The following SVEP1 variants were observed in gnomAD, a reference collection of about 807,000 sequenced individuals.
SVEP1 encodes sushi, von Willebrand factor type A, EGF and pentraxin domain containing 1, also known as sushi, von Willebrand factor type A, EGF and pentraxin domain-containing protein 1.
A neutral mutation model predicts 367.3 loss-of-function variants in SVEP1; 164 were observed. That is an observed-to-expected ratio of 0.45 (90% CI 0.39 to 0.51). SVEP1 has a LOEUF of 0.51. Ranked by LOEUF, SVEP1 falls within the 20% of genes least tolerant of loss-of-function variation. SVEP1 has a pLI of 0.00. For synonymous variants in SVEP1, 1,666 were observed against 1,611.6 expected (o/e 1.03, Z -0.81); for missense variants, 4,117 against 4,425.3 (o/e 0.93, Z 1.98).
intron 1 of SVEP1, among the ~76,000 whole-genome samples, chr9:110,567,141 C>A (rs1421749803): frequency 6.6e-6 from 1 of 152,106 alleles, no homozygotes; most frequent in African/African-American, 2.4e-5. Context: ...AAAGATATAT[C>A]CTTTCAAGAA....
intron 40 of SVEP1, among the ~76,000 whole-genome samples, chr9:110,395,445 T>G (rs1313586788): frequency 1.3e-5 from 2 of 152,072 alleles, no homozygotes; most frequent in Non-Finnish European, 1.5e-5. Context: ...CTGCATCAAC[T>G]AACAAGCAAA....
intron 43 of SVEP1, among the ~76,000 whole-genome samples, chr9:110,385,602 T>G (rs997209586): frequency 2.0e-5 from 3 of 152,258 alleles, no homozygotes; most frequent in African/African-American, 7.2e-5. Flanking sequence ...GTTTGGGGAC[T>G]CTGACAGTGT....
At chr9:110,454,381 A>G (rs777835553) in intron 22 of SVEP1, among the ~76,000 whole-genome samples, 1 of 152,130 alleles carries the variant, frequency 6.6e-6, no homozygotes, top group Non-Finnish European at 1.5e-5. Context: ...TAATTTTTGT[A>G]TATGGTGAAA....
In SVEP1 at chr9:110,408,639, C is replaced by G. The variant is rs1306527451; in HGVS notation, c.6961G>C (p.Ala2321Pro). ...AAGAGGGGCGGCTCTGGGCACTTGG[C>G]AGGCATGCACTTTGGATTTGACTTC... ...NKKSNPKCMP[A>P]KCPEPPLLEN... Residue 2321 changes from alanine to proline, a missense_variant, in exon 38 of 48, where the codon GCC (alanine) becomes CCC (proline). Ala to Pro is a conservative substitution (Grantham distance 27). Around this residue, in one of 4 missense-constraint regions of SVEP1, gnomAD observed 1,765 missense variants for 1,781.1 expected, o/e 0.99. Coordinates refer to ENST00000374469, the MANE Select transcript of SVEP1 (RefSeq NM_153366.4). 16 of 1,613,880 alleles carry G rather than the reference C, an allele frequency of 9.9e-6. No homozygotes were observed. Among genetic ancestry groups the G allele is most frequent in the Non-Finnish European group, 1.2e-5 (14 of 1,179,902 alleles).
intron 24 of SVEP1, 87 bp from the exon 25 acceptor site, chr9:110,447,144 A>C (rs10980390): frequency 0.19 from 230,968 of 1,231,552 alleles, 23,022 homozygotes; most frequent in Admixed American, 0.21. Context: ...GACTTTGAAA[A>C]TTGAAATGCT....
At chr9:110,517,597 C>T (rs192922776) in intron 3 of SVEP1, among the ~76,000 whole-genome samples, 5 of 125,800 alleles carry the variant, frequency 4.0e-5, no homozygotes, top group African/African-American at 1.5e-4. Flanking sequence ...GACGCTATCT[C>T]AAAAAAAAAA....
Position 110,400,721 on chromosome 9 carries a change from A to C in SVEP1, c.9822+133T>G, listed in dbSNP as rs180783339. 2.1e-4 allele frequency: 209 copies of C among 979,526 alleles called. No homozygotes were observed. The African/African-American group carries it at 3.2e-3, about 15-fold the overall frequency. 60.7% of individuals were successfully genotyped at this position (979,526 alleles called of 1,614,324 possible). A position where few individuals can be genotyped will look rare whatever the true frequency, so the allele number is the denominator to read the frequency against. On this transcript the variant is annotated intron_variant, in intron 40 of 47. Coordinates refer to ENST00000374469, the MANE Select transcript of SVEP1 (RefSeq NM_153366.4). ...TTAAATATTTCTTGGAAAATGTTAG[A>C]GTATAAGGGAACAAAGTATAATAGA... is the stretch of plus-strand genomic sequence containing the variant.
intron 27 of SVEP1, among the ~76,000 whole-genome samples, chr9:110,440,148 GTTAA>G (rs374844185): frequency 2.6e-5 from 4 of 152,286 alleles, no homozygotes; most frequent in African/African-American, 9.6e-5. Context: ...TTTAATGTCT[GTTAA>G]TTCACTGAAG....
At chr9:110,427,302 CAAAAAAAAA>C (rs61616981) in intron 36 of SVEP1, among the ~76,000 whole-genome samples, 4 of 81,936 alleles carry the variant, frequency 4.9e-5, no homozygotes, top group Non-Finnish European at 9.4e-5. Context: ...GACTCTGTCT[CAAAAAAAAA>C]AAAAAAAAAA....
intron 3 of SVEP1, among the ~76,000 whole-genome samples, chr9:110,518,760 C>G (rs1008521490): frequency 1.3e-5 from 2 of 152,138 alleles, no homozygotes; most frequent in African/African-American, 4.8e-5. Context: ...ATCTTAGATG[C>G]GACCTCATCA....
Position 110,406,836 on chromosome 9 carries a change from T to C in SVEP1, c.8764A>G (p.Ile2922Val), listed in dbSNP as rs16914996. 11,342 of 1,613,968 alleles carry C rather than the reference T, an allele frequency of 7.0e-3. 680 individuals carry two copies. In the African/African-American group the frequency reaches 0.13, roughly 18 times the overall value. ...EVTFHCHEGY[I>V]LHGAPKLTCQ... ...GTGAGTTTTGGAGCACCGTGCAAGA[T>C]GTAGCCCTCGTGACAGTGGAATGTT... The change falls in exon 38 of 48, where the codon ATC becomes GTC. Residue 2922 changes from isoleucine (I) to valine (V), a missense_variant. By Grantham distance (29) the Ile-to-Val change is conservative. This residue lies in a region of SVEP1 where 1,765 missense variants were observed against 1,781.1 expected (regional missense o/e 0.99). Coordinates refer to ENST00000374469, the MANE Select transcript of SVEP1 (RefSeq NM_153366.4).
intron 40 of SVEP1, among the ~76,000 whole-genome samples, chr9:110,395,769 A>G (rs1827748574): frequency 6.6e-6 from 1 of 151,776 alleles, no homozygotes; most frequent in Admixed American, 6.6e-5. Context: ...CCATTACATA[A>G]TGGTAAAGGG....
chr9:110,541,770 TATATATATCTATATAC>T (rs1226782461), intron 3 of SVEP1, among the ~76,000 whole-genome samples: 15 of 147,490 alleles, frequency 1.0e-4, no homozygotes, highest in African/African-American at 1.2e-4. Flanking sequence ...CATAGATATC[TATATATATCTATATAC>T]ATAGATATCT....
chr9:110,575,598 C>T (rs35920727), intron 1 of SVEP1, among the ~76,000 whole-genome samples: 1 of 151,862 alleles, frequency 6.6e-6, no homozygotes, highest in Admixed American at 6.6e-5. Flanking sequence ...AAGGCAAAAG[C>T]CTTTAAACCT....
intron 35 of SVEP1, among the ~76,000 whole-genome samples, chr9:110,428,417 C>CAA (rs1554714257): frequency 8.8e-5 from 5 of 57,040 alleles, no homozygotes; most frequent in East Asian, 5.7e-4. Context: ...CACACACACA[C>CAA]ACACACACAC....
chr9:110,520,228 A>G (rs1829860223), intron 3 of SVEP1, among the ~76,000 whole-genome samples: 2 of 152,204 alleles, frequency 1.3e-5, no homozygotes, highest in Non-Finnish European at 2.9e-5. Flanking sequence ...AAGGCATTGC[A>G]CAATTCTAGT....
At chr9:110,569,465 A>G (rs1337148112) in intron 1 of SVEP1, among the ~76,000 whole-genome samples, 2 of 151,910 alleles carry the variant, frequency 1.3e-5, no homozygotes, top group East Asian at 3.9e-4. Flanking sequence ...TCAAAAAAAA[A>G]AAAAAAAAAT....
intron 3 of SVEP1, among the ~76,000 whole-genome samples, chr9:110,521,475 A>G (rs574908708): frequency 2.0e-5 from 3 of 152,352 alleles, no homozygotes; most frequent in African/African-American, 7.2e-5. Context: ...ATGGATCAGG[A>G]CAAGTCTATC....
At chr9:110,387,995 T>C (rs1389183876) in intron 41 of SVEP1, among the ~76,000 whole-genome samples, 1 of 152,226 alleles carries the variant, frequency 6.6e-6, no homozygotes, top group East Asian at 1.9e-4. Context: ...TTTTTGTTTC[T>C]TCTAAATCTG....
Sources: allele counts gnomAD v4.1 joint callset (sites outside exome capture counted in the v4.1 genomes callset), GRCh38; gene constraint gnomAD v4.1.1; regional missense constraint gnomAD v4.1.1; transcripts MANE v1.5; gene names NCBI Gene and HGNC (gene_info 2026-07-23, HGNC 2026-07-21).